The following TJP1 variants were observed in gnomAD, a reference collection of about 807,000 sequenced individuals.
TJP1 encodes the protein tight junction protein ZO-1.
TJP1 carries 43 observed loss-of-function variants against 194.2 expected under a neutral mutation model. The ratio of observed to expected loss-of-function variants is 0.22; its 90% CI spans 0.17 to 0.29. The LOEUF (loss-of-function observed/expected upper bound fraction) is 0.29. TJP1 is among the 10% of genes least tolerant of loss of function. The pLI is 1.00. For missense variants in TJP1, 1,971 were observed against 2,185.7 expected, an observed-to-expected ratio of 0.90 and a Z score of 1.96; for synonymous variants, 801 against 779.0, an observed-to-expected ratio of 1.03 and a Z score of -0.47.
chr15:29,847,045 A>G (rs1044011461), intron 2 of TJP1, among the ~76,000 whole-genome samples: 1 of 152,238 alleles, frequency 6.6e-6, no homozygotes, highest in African/African-American at 2.4e-5. Context: ...TTTATTGAAC[A>G]CTTACTATAT....
At chr15:29,850,578 G>A (rs1019080570) in intron 2 of TJP1, among the ~76,000 whole-genome samples, 49 of 151,856 alleles carry the variant, frequency 3.2e-4, no homozygotes, top group Non-Finnish European at 6.5e-4. Context: ...CTCGTGATCC[G>A]CCCACCTTGG....
At chr15:29,959,162 T>C (rs1001762426) in intron 1 of TJP1, among the ~76,000 whole-genome samples, 4 of 151,894 alleles carry the variant, frequency 2.6e-5, no homozygotes, top group African/African-American at 9.7e-5. Flanking sequence ...ACTAATTTTC[T>C]GTATTTTTAG....
In TJP1 at chr15:29,732,508, T is replaced by C. The variant is rs1264325358; in HGVS notation, c.1942A>G (p.Thr648Ala). 1.9e-6 allele frequency: 3 copies of C among 1,614,140 alleles called. No homozygotes were observed. Among genetic ancestry groups the C allele is most frequent in the Non-Finnish European group, 2.5e-6 (3 of 1,180,008 alleles). ...ACATCAGCTATTGGTCCAAAAATGG[T>C]TACAGGCCTCAGAAATCCAGCTGGA... The part of the protein sequence containing the change: ...LREAGFLRPV[T>A]IFGPIADVAR... Residue 648 changes from threonine (T) to alanine (A), a missense_variant, in exon 15 of 28, where the codon ACC becomes GCC. Thr to Ala is a moderately conservative substitution (Grantham distance 58). Transcript: ENST00000614355.
At chr15:29,763,581 A>G (rs1442538229) in intron 5 of TJP1, among the ~76,000 whole-genome samples, 2 of 152,082 alleles carry the variant, frequency 1.3e-5, no homozygotes, top group African/African-American at 4.8e-5. Context: ...CAGCCTGGCT[A>G]GCATGGTAAA....
chr15:29,938,203 C>T (rs2054947114), intron 2 of TJP1, among the ~76,000 whole-genome samples: 1 of 152,134 alleles, frequency 6.6e-6, no homozygotes, highest in Admixed American at 6.5e-5. Context: ...ATGGGAAGGT[C>T]GGTGACTGAC....
intron 23 of TJP1, among the ~76,000 whole-genome samples, chr15:29,713,633 C>T (rs1414094568): frequency 6.6e-6 from 1 of 152,130 alleles, no homozygotes; most frequent in Non-Finnish European, 1.5e-5. Flanking sequence ...GGACAGAATC[C>T]TATATTTTAA....
At chr15:29,725,448 C>T (rs777360123) in intron 18 of TJP1, among the ~76,000 whole-genome samples, 7 of 151,860 alleles carry the variant, frequency 4.6e-5, no homozygotes, top group Admixed American at 6.6e-5. Context: ...AGGGACCATG[C>T]GGGGGCAAAA....
chr15:29,913,905 T>C (rs1469782131), intron 2 of TJP1, among the ~76,000 whole-genome samples: 2 of 152,236 alleles, frequency 1.3e-5, no homozygotes, highest in Admixed American at 6.5e-5. Context: ...AGAGATAAGA[T>C]GTACTACAGA....
chr15:29,911,844 C>T (rs1596242586), intron 2 of TJP1, among the ~76,000 whole-genome samples: 1 of 152,322 alleles, frequency 6.6e-6, no homozygotes, highest in African/African-American at 2.4e-5. Flanking sequence ...AACTAAGACT[C>T]AGGCTCTGGG....
At chr15:29,807,288 T>A (rs2049173712) in intron 1 of TJP1, among the ~76,000 whole-genome samples, 1 of 152,198 alleles carries the variant, frequency 6.6e-6, no homozygotes, top group African/African-American at 2.4e-5. Flanking sequence ...AGCTATAAAG[T>A]AAGAGTGAAA....
intron 2 of TJP1, among the ~76,000 whole-genome samples, chr15:29,929,766 A>C (rs1260585164): frequency 6.6e-6 from 1 of 152,104 alleles, no homozygotes; most frequent in Non-Finnish European, 1.5e-5. Flanking sequence ...ACAAGAGTAT[A>C]AGATAACAGG....
At chr15:29,756,073 A>G (rs1280314364) in intron 8 of TJP1, among the ~76,000 whole-genome samples, 1 of 152,134 alleles carries the variant, frequency 6.6e-6, no homozygotes, top group Admixed American at 6.5e-5. Flanking sequence ...AGAGGCCTAG[A>G]TCATACCCTG....
At chr15:29,821,220 G>A (rs2050317233) in intron 1 of TJP1, among the ~76,000 whole-genome samples, 1 of 152,112 alleles carries the variant, frequency 6.6e-6, no homozygotes, top group South Asian at 2.1e-4. Context: ...CAAAGCAATG[G>A]GAAAATGCAA....
intron 2 of TJP1, among the ~76,000 whole-genome samples, chr15:29,955,753 T>TAAAAAAAAAAAAAAAA (rs563535771): frequency 1.3e-3 from 47 of 35,814 alleles, no homozygotes; most frequent in Middle Eastern, 0.023. Flanking sequence ...CCTGGCTCTT[T>TAAAAAAAAAAAAAAAA]AAAAAAAAAA....
At chr15:29,773,790 T>C (rs1250899576) in intron 2 of TJP1, among the ~76,000 whole-genome samples, 1 of 152,182 alleles carries the variant, frequency 6.6e-6, no homozygotes, top group East Asian at 1.9e-4. Context: ...AAATCAAGTA[T>C]TAGTTATTTC....
chr15:29,821,140 C>T (rs1344884915), intron 1 of TJP1, among the ~76,000 whole-genome samples: 1 of 152,134 alleles, frequency 6.6e-6, no homozygotes, highest in Non-Finnish European at 1.5e-5. Flanking sequence ...AATTAATATA[C>T]AAAATGGGAG....
At chr15:29,835,973 T>A (rs1398566131) in intron 2 of TJP1, among the ~76,000 whole-genome samples, 1 of 152,174 alleles carries the variant, frequency 6.6e-6, no homozygotes, top group Non-Finnish European at 1.5e-5. Flanking sequence ...CAATTTCTTT[T>A]AAAATTTTTC....
At chr15:29,723,712 G>C (rs1337676408) in intron 18 of TJP1, among the ~76,000 whole-genome samples, 1 of 152,236 alleles carries the variant, frequency 6.6e-6, no homozygotes, top group Non-Finnish European at 1.5e-5. Context: ...AACAGATGGA[G>C]AGGAAGAAAT....
chr15:29,770,824 T>C (rs1241533634), intron 4 of TJP1, among the ~76,000 whole-genome samples: 1 of 151,968 alleles, frequency 6.6e-6, no homozygotes, highest in Non-Finnish European at 1.5e-5. Context: ...GGTTTATTAT[T>C]GAAGAAAGAA....
Sources: gnomAD v4.1 joint callset for allele counts (sites outside exome capture counted in the v4.1 genomes callset) on GRCh38, gnomAD v4.1.1 for gene constraint, MANE v1.5 for transcripts, NCBI Gene and HGNC (gene_info 2026-07-23, HGNC 2026-07-21) for gene names.